The following PTPN13 variants were observed in gnomAD, a reference collection of about 807,000 sequenced individuals.
The protein encoded by PTPN13 is tyrosine-protein phosphatase non-receptor type 13.
A neutral mutation model predicts 284.0 loss-of-function variants in PTPN13; 191 were observed. The ratio of observed to expected loss-of-function variants is 0.67; its 90% CI spans 0.60 to 0.76. The LOEUF (loss-of-function observed/expected upper bound fraction) is 0.76. PTPN13 is among the 30% of genes least tolerant of loss of function. PTPN13 has a pLI of 0.00. For missense variants in PTPN13, 2,797 were observed against 2,939.9 expected, an observed-to-expected ratio of 0.95 and a Z score of 1.12; for synonymous variants, 986 against 1,022.3, an observed-to-expected ratio of 0.96 and a Z score of 0.68.
At chr4:86,599,510 A>G (rs1413413684) in intron 1 of PTPN13, among the ~76,000 whole-genome samples, 2 of 152,138 alleles carry the variant, frequency 1.3e-5, no homozygotes. Context: ...TATTACAACT[A>G]GCCATATTTT....
At chr4:86,646,102 T>TA (rs149697207) in intron 2 of PTPN13, among the ~76,000 whole-genome samples, 6 of 150,156 alleles carry the variant, frequency 4.0e-5, no homozygotes, top group Admixed American at 6.6e-5. Flanking sequence ...TTAAAGTTCT[T>TA]AAAAAAAAAT....
chr4:86,721,283 C>G (rs143096369), intron 9 of PTPN13, among the ~76,000 whole-genome samples: 1 of 151,910 alleles, frequency 6.6e-6, no homozygotes, highest in Non-Finnish European at 1.5e-5. Flanking sequence ...ATCTTTGACC[C>G]TCCCCTTAAG....
intron 15 of PTPN13, 44 bp downstream of exon 15, chr4:86,735,790 A>G (rs756326096): frequency 6.4e-7 from 1 of 1,553,486 alleles, no homozygotes; most frequent in Admixed American, 1.9e-5. Flanking sequence ...TATCTTTTCC[A>G]AGTAAGCAAG....
At chr4:86,628,730 C>T (rs1410415014) in intron 1 of PTPN13, among the ~76,000 whole-genome samples, 2 of 138,548 alleles carry the variant, frequency 1.4e-5, no homozygotes, top group African/African-American at 2.7e-5. Context: ...TCAATTCCCA[C>T]CTATGAGTGA....
chr4:86,759,908 T>A (rs1229565772), intron 23 of PTPN13, among the ~76,000 whole-genome samples: 2 of 152,122 alleles, frequency 1.3e-5, no homozygotes, highest in African/African-American at 4.8e-5. Flanking sequence ...AAGTGCTAGA[T>A]ACAAGTAAGT....
chr4:86,718,263 TAGAAA>T (rs921857589), intron 9 of PTPN13, among the ~76,000 whole-genome samples: 3 of 152,154 alleles, frequency 2.0e-5, no homozygotes, highest in African/African-American at 7.2e-5. Context: ...TGCTACCAAA[TAGAAA>T]AGAATCATTT....
chr4:86,784,900 T>G (rs1435480015), intron 38 of PTPN13, among the ~76,000 whole-genome samples: 2 of 152,170 alleles, frequency 1.3e-5, no homozygotes, highest in Non-Finnish European at 2.9e-5. Flanking sequence ...TAACATAACT[T>G]TGTTTCTTTC....
chr4:86,623,259 C>G (rs1428291831), intron 1 of PTPN13, among the ~76,000 whole-genome samples: 4 of 152,184 alleles, frequency 2.6e-5, no homozygotes, highest in East Asian at 1.9e-4. Context: ...TTCCAGTTCT[C>G]AGAGAGAGAC....
At position 86,807,826 on chromosome 4, in the gene PTPN13, C is replaced by T. The variant is rs975250120; in HGVS notation, c.7012C>T (p.Arg2338Ter). 10 of 1,613,884 alleles carry T rather than the reference C, an allele frequency of 6.2e-6. No individual in the cohort carries two copies. Among genetic ancestry groups the T allele is most frequent in the Admixed American group, 1.7e-5 (1 of 59,994 alleles). The change falls in exon 45 of 48, where the codon CGA (arginine) becomes TGA (stop). Residue 2338 changes from arginine (R) to a stop codon, truncating the protein, a stop_gained. Coordinates refer to ENST00000411767, the MANE Select transcript of PTPN13 (RefSeq NM_080683.3). LOFTEE classifies it high-confidence loss of function. Reference sequence around the variant, plus strand: ...AACAACAATGGTCAGCAACAGACTTCGACTGGCTCTTGTGAGAATGCAGCA... The same window carrying T: ...AACAACAATGGTCAGCAACAGACTTTGACTGGCTCTTGTGAGAATGCAGCA... ...GKTTMVSNRL[R>*]LALVRMQQLK...
intron 16 of PTPN13, among the ~76,000 whole-genome samples, chr4:86,743,611 G>A (rs1736407187): frequency 6.6e-6 from 1 of 152,098 alleles, no homozygotes; most frequent in Admixed American, 6.6e-5. Flanking sequence ...AAAGAAAACA[G>A]GTTTAATCCT....
chr4:86,681,942 A>C (rs973657620), intron 3 of PTPN13, among the ~76,000 whole-genome samples: 6 of 152,314 alleles, frequency 3.9e-5, no homozygotes, highest in South Asian at 2.1e-4. Flanking sequence ...AAAGAAAAAA[A>C]AAGGAAAGAA....
At chr4:86,738,298 A>G (rs533239043) in intron 15 of PTPN13, among the ~76,000 whole-genome samples, 1 of 152,344 alleles carries the variant, frequency 6.6e-6, no homozygotes, top group South Asian at 2.1e-4. Flanking sequence ...ACTGTTTTCC[A>G]AAATCATTGT....
chr4:86,598,400 C>T (rs1764013857), intron 1 of PTPN13, among the ~76,000 whole-genome samples: 1 of 152,146 alleles, frequency 6.6e-6, no homozygotes, highest in Non-Finnish European at 1.5e-5. Flanking sequence ...CTGCCTCAGC[C>T]TCCCAAAGTG....
chr4:86,621,453 A>T (rs1721232833), intron 1 of PTPN13, among the ~76,000 whole-genome samples: 1 of 152,194 alleles, frequency 6.6e-6, no homozygotes, highest in South Asian at 2.1e-4. Context: ...CTCATCTGCA[A>T]TTCAAAATCC....
chr4:86,610,579 G>A (rs1371107217), intron 1 of PTPN13, among the ~76,000 whole-genome samples: 3 of 152,196 alleles, frequency 2.0e-5, no homozygotes, highest in African/African-American at 7.2e-5. Context: ...TAGATAAAGT[G>A]GGAAGCTACT....
chr4:86,703,856 G>A (rs764426817), intron 7 of PTPN13, among the ~76,000 whole-genome samples: 9 of 151,996 alleles, frequency 5.9e-5, no homozygotes, highest in Non-Finnish European at 1.3e-4. Flanking sequence ...GCAACAAAGC[G>A]AGACTCTGTC....
At chr4:86,707,326 C>A (rs765808120) in intron 7 of PTPN13, among the ~76,000 whole-genome samples, 21 of 152,312 alleles carry the variant, frequency 1.4e-4, no homozygotes, top group South Asian at 1.0e-3. Flanking sequence ...TAGTTCACAT[C>A]AAAATGAAAT....
intron 20 of PTPN13, 25 bp downstream of exon 20, chr4:86,753,090 C>T: frequency 6.4e-7 from 1 of 1,560,670 alleles, no homozygotes; most frequent in Non-Finnish European, 8.8e-7. Flanking sequence ...TGTTTTTCCC[C>T]TCATTTCCAT....
At chr4:86,794,019 T>C (rs1306357490) in intron 40 of PTPN13, among the ~76,000 whole-genome samples, 2 of 151,772 alleles carry the variant, frequency 1.3e-5, no homozygotes, top group Non-Finnish European at 2.9e-5. Flanking sequence ...CTGAAGGAGA[T>C]AGAGACACAA....
Sources: gnomAD v4.1 joint callset for allele counts (sites outside exome capture counted in the v4.1 genomes callset) on GRCh38, gnomAD v4.1.1 for gene constraint, MANE v1.5 for transcripts, NCBI Gene and HGNC (gene_info 2026-07-23, HGNC 2026-07-21) for gene names.